Variants in CAMK1D observed in about 807,000 individuals in gnomAD.
The protein encoded by CAMK1D is calcium/calmodulin dependent protein kinase ID, also known as calcium/calmodulin-dependent protein kinase type 1D.
Under a neutral mutation model 47.7 loss-of-function variants are expected in CAMK1D, and 9 were observed. The ratio of observed to expected loss-of-function variants is 0.19; its 90% CI spans 0.11 to 0.33. The LOEUF (loss-of-function observed/expected upper bound fraction) is 0.33, where lower values mean the gene tolerates loss of function less well. Ranked by LOEUF, CAMK1D falls within the 10% of genes least tolerant of loss-of-function variation. The pLI, the probability that CAMK1D is intolerant of heterozygous loss-of-function variation, is 1.00. For missense variants in CAMK1D, 291 were observed against 488.7 expected (o/e 0.60, Z 3.81); for synonymous variants, 184 against 184.9 (o/e 0.99, Z 0.04).
At chr10:12,642,546 A>C (rs1839696549) in intron 2 of CAMK1D, among the ~76,000 whole-genome samples, 1 of 152,228 alleles carries the variant, frequency 6.6e-6, no homozygotes, top group African/African-American at 2.4e-5. Context: ...ACTCTTTCCA[A>C]CATTGAAAGA....
intron 3 of CAMK1D, among the ~76,000 whole-genome samples, chr10:12,705,665 G>C (rs917440866): frequency 2.0e-5 from 3 of 152,164 alleles, no homozygotes; most frequent in African/African-American, 7.2e-5. Flanking sequence ...AATGCAACCA[G>C]AAACAAAGGA....
intron 8 of CAMK1D, among the ~76,000 whole-genome samples, chr10:12,817,133 C>G (rs1832833432): frequency 6.6e-6 from 1 of 152,198 alleles, no homozygotes; most frequent in African/African-American, 2.4e-5. Flanking sequence ...AAAGACTTGC[C>G]TCTGTGATTC....
intron 6 of CAMK1D, among the ~76,000 whole-genome samples, chr10:12,797,633 G>A (rs1838252560): frequency 6.6e-6 from 1 of 152,092 alleles, no homozygotes; most frequent in Non-Finnish European, 1.5e-5. Flanking sequence ...TGTTTGTTAT[G>A]ATTTCCAGTT....
chr10:12,477,383 C>G, intron 1 of CAMK1D, among the ~76,000 whole-genome samples: 1 of 152,140 alleles, frequency 6.6e-6, no homozygotes, highest in African/African-American at 2.4e-5. Context: ...CCATTGCACT[C>G]CAACCTGGGT....
At chr10:12,439,763 T>C (rs1832731159) in intron 1 of CAMK1D, among the ~76,000 whole-genome samples, 1 of 152,214 alleles carries the variant, frequency 6.6e-6, no homozygotes, top group Admixed American at 6.5e-5. Flanking sequence ...ATTAGTCCGT[T>C]TTCACGCTGC....
intron 2 of CAMK1D, among the ~76,000 whole-genome samples, chr10:12,630,388 T>TTTTTA (rs112347508): frequency 2.8e-5 from 4 of 142,264 alleles, no homozygotes; most frequent in Non-Finnish European, 6.1e-5. Context: ...TTTTTTTTTT[T>TTTTTA]AAAAAAAAGA....
intron 1 of CAMK1D, among the ~76,000 whole-genome samples, chr10:12,375,790 C>T (rs1449774613): frequency 6.6e-6 from 1 of 152,046 alleles, no homozygotes; most frequent in Non-Finnish European, 1.5e-5. Flanking sequence ...GTGTATTTGG[C>T]GTTTTTCATT....
At position 12,680,976 on chromosome 10, in the gene CAMK1D, C is replaced by G. The variant is rs190954329; in HGVS notation, c.299+14166C>G. On this transcript the variant is annotated intron_variant, in intron 3 of 10. Transcript: ENST00000619168. Reference sequence around the variant, plus strand: ...TCCTTGTTTCTGCCCCTCCTGACCTCTGACCACTTAACTTTCTTACATTGA... The same window carrying G: ...TCCTTGTTTCTGCCCCTCCTGACCTGTGACCACTTAACTTTCTTACATTGA... Among the ~76,000 whole-genome samples, 32 of 152,208 alleles carry G rather than the reference C, an allele frequency of 2.1e-4. No individual in the cohort carries two copies. In the East Asian group the frequency reaches 5.0e-3, roughly 24 times the overall value.
At chr10:12,528,636 T>A (rs760048303) in intron 1 of CAMK1D, among the ~76,000 whole-genome samples, 8 of 152,084 alleles carry the variant, frequency 5.3e-5, no homozygotes, top group Non-Finnish European at 1.2e-4. Flanking sequence ...CACACCCTCA[T>A]GGGTAGGAAG....
intron 1 of CAMK1D, among the ~76,000 whole-genome samples, chr10:12,355,448 G>A (rs553430610): frequency 6.6e-6 from 1 of 152,076 alleles, no homozygotes; most frequent in Non-Finnish European, 1.5e-5. Flanking sequence ...TGGTGTATAT[G>A]TGTTTGTGTG....
intron 1 of CAMK1D, among the ~76,000 whole-genome samples, chr10:12,528,803 A>G (rs1035607600): frequency 1.0e-4 from 15 of 146,396 alleles, no homozygotes; most frequent in Non-Finnish European, 1.9e-4. Context: ...TTGCAGTGAT[A>G]TGATCATGGC....
chr10:12,439,688 G>A (rs530469720), intron 1 of CAMK1D, among the ~76,000 whole-genome samples: 14 of 152,344 alleles, frequency 9.2e-5, no homozygotes, highest in East Asian at 3.9e-4. Flanking sequence ...GATATAAGAC[G>A]AATCTGAGGA....
intron 6 of CAMK1D, among the ~76,000 whole-genome samples, chr10:12,791,726 G>A (rs11257992): frequency 0.12 from 18,108 of 152,150 alleles, 2,323 homozygotes; most frequent in East Asian, 0.42. Context: ...CCCTTGGTCC[G>A]TCGATAGACA....
intron 6 of CAMK1D, among the ~76,000 whole-genome samples, chr10:12,810,895 G>A (rs1832576137): frequency 6.6e-6 from 1 of 152,254 alleles, no homozygotes; most frequent in Non-Finnish European, 1.5e-5. Context: ...GGGAGGTGTG[G>A]GAACCACAAG....
chr10:12,396,004 G>A (rs533163055), intron 1 of CAMK1D, among the ~76,000 whole-genome samples: 1 of 151,930 alleles, frequency 6.6e-6, no homozygotes, highest in African/African-American at 2.4e-5. Context: ...CTCCCGAGTA[G>A]CTGGGATTAC....
At chr10:12,593,123 C>T (rs1209667978) in intron 2 of CAMK1D, among the ~76,000 whole-genome samples, 1 of 152,156 alleles carries the variant, frequency 6.6e-6, no homozygotes, top group Non-Finnish European at 1.5e-5. Context: ...CTAAAAGCAG[C>T]CATAGATGAT....
intron 3 of CAMK1D, among the ~76,000 whole-genome samples, chr10:12,733,589 T>C (rs1208034297): frequency 6.6e-6 from 1 of 152,180 alleles, no homozygotes; most frequent in Non-Finnish European, 1.5e-5. Context: ...CCACAGCGTG[T>C]ATAGCCACAG....
chr10:12,788,940 T>C (rs1837854177), intron 5 of CAMK1D, among the ~76,000 whole-genome samples: 1 of 152,228 alleles, frequency 6.6e-6, no homozygotes, highest in African/African-American at 2.4e-5. Context: ...GATAGAAAGT[T>C]TGGGGGCGTT....
chr10:12,822,132 G>A (rs1833036325), intron 8 of CAMK1D, among the ~76,000 whole-genome samples: 1 of 152,208 alleles, frequency 6.6e-6, no homozygotes, highest in Non-Finnish European at 1.5e-5. Context: ...CATGCCTCTG[G>A]TTTTGTTGGC....
Sources: allele counts gnomAD v4.1 joint callset (sites outside exome capture counted in the v4.1 genomes callset), GRCh38; gene constraint gnomAD v4.1.1; transcripts MANE v1.5; gene names NCBI Gene and HGNC (gene_info 2026-07-23, HGNC 2026-07-21).